HIVEP3: variants seen among roughly 807,000 people sequenced by gnomAD.
The protein encoded by HIVEP3 is transcription factor HIVEP3.
HIVEP3 carries 49 observed loss-of-function variants against 152.8 expected under a neutral mutation model. The ratio of observed to expected loss-of-function variants is 0.32; its 90% CI spans 0.26 to 0.41. The LOEUF (loss-of-function observed/expected upper bound fraction) is 0.41. HIVEP3 is among the 10% of genes least tolerant of loss of function. The probability of loss-of-function intolerance (pLI) is 1.00; values close to 1 mark genes in which losing one functional copy is unlikely to be tolerated. For synonymous variants in HIVEP3, 1,269 were observed against 1,289.0 expected, an observed-to-expected ratio of 0.98 and a Z score of 0.33; for missense variants, 2,790 against 3,103.3, an observed-to-expected ratio of 0.90 and a Z score of 2.40.
chr1:41,991,601 C>T (rs1645361909), intron 1 of HIVEP3, among the ~76,000 whole-genome samples: 1 of 150,216 alleles, frequency 6.7e-6, no homozygotes, highest in Non-Finnish European at 1.5e-5. Flanking sequence ...CCTTCTGAAA[C>T]TATTCCAATC....
At chr1:41,743,447 A>C (rs576874575) in intron 1 of HIVEP3, among the ~76,000 whole-genome samples, 14 of 152,206 alleles carry the variant, frequency 9.2e-5, no homozygotes, top group Non-Finnish European at 1.6e-4. Flanking sequence ...TGAATGAATG[A>C]ATGTTACATG....
intron 1 of HIVEP3, among the ~76,000 whole-genome samples, chr1:41,916,350 C>CA (rs959396312): frequency 1.1e-4 from 16 of 152,042 alleles, no homozygotes; most frequent in Non-Finnish European, 2.4e-4. Context: ...GTGTTGAGGG[C>CA]AAAAAAACAA....
intron 6 of HIVEP3, among the ~76,000 whole-genome samples, chr1:41,519,709 G>A (rs548918472): frequency 4.3e-4 from 66 of 152,316 alleles, no homozygotes; most frequent in African/African-American, 7.9e-4. Flanking sequence ...CGATTGGTGC[G>A]TGGATAGATA....
At chr1:41,774,192 G>A (rs1405983430) in intron 1 of HIVEP3, among the ~76,000 whole-genome samples, 2 of 152,224 alleles carry the variant, frequency 1.3e-5, no homozygotes, top group Admixed American at 6.5e-5. Context: ...AGCGTGTCTC[G>A]GGTTTGGCTG....
At chr1:41,921,095 C>T (rs752704450), upstream of HIVEP3, among the ~76,000 whole-genome samples, 27 of 152,260 alleles carry the variant, frequency 1.8e-4, 1 homozygote, top group South Asian at 1.0e-3. Flanking sequence ...TATTTCCATA[C>T]GGGGGCTTTT....
intron 1 of HIVEP3, among the ~76,000 whole-genome samples, chr1:41,861,174 T>C (rs1643883679): frequency 6.6e-6 from 1 of 152,196 alleles, no homozygotes; most frequent in African/African-American, 2.4e-5. Flanking sequence ...TCCTACACCA[T>C]GCTCCATCTG....
chr1:41,984,608 G>C (rs750157749), intron 1 of HIVEP3, among the ~76,000 whole-genome samples: 1 of 152,192 alleles, frequency 6.6e-6, no homozygotes, highest in Non-Finnish European at 1.5e-5. Context: ...AGAAGGGATC[G>C]AACGTTTAAA....
intron 2 of HIVEP3, among the ~76,000 whole-genome samples, chr1:41,685,442 CTGTAAGT>C (rs1206037617): frequency 6.6e-6 from 1 of 152,256 alleles, no homozygotes; most frequent in Non-Finnish European, 1.5e-5. Context: ...CTCCACTGCA[CTGTAAGT>C]TCCTCAAGGG....
chr1:41,864,963 T>A (rs894227463), intron 1 of HIVEP3, among the ~76,000 whole-genome samples: 2 of 152,178 alleles, frequency 1.3e-5, no homozygotes, highest in South Asian at 4.1e-4. Context: ...CTTGCAGAGA[T>A]TAATGAGAGC....
chr1:42,026,435 T>C (rs1231044937), intron 1 of HIVEP3, among the ~76,000 whole-genome samples: 1 of 152,272 alleles, frequency 6.6e-6, no homozygotes, highest in Non-Finnish European at 1.5e-5. Context: ...TAAGAAAATC[T>C]AAAATTTTTT....
At chr1:41,987,586 C>G (rs960105504) in intron 1 of HIVEP3, among the ~76,000 whole-genome samples, 1 of 152,050 alleles carries the variant, frequency 6.6e-6, no homozygotes, top group Non-Finnish European at 1.5e-5. Flanking sequence ...ACCAATGGAA[C>G]AGAATGGAGA....
intron 2 of HIVEP3, among the ~76,000 whole-genome samples, chr1:41,645,303 C>A (rs546988961): frequency 6.6e-6 from 1 of 152,118 alleles, no homozygotes; most frequent in South Asian, 2.1e-4. Flanking sequence ...GTGATCTGAC[C>A]GCCACACAGG....
intron 1 of HIVEP3, among the ~76,000 whole-genome samples, chr1:41,989,244 T>A (rs1001505231): frequency 2.6e-5 from 4 of 152,214 alleles, no homozygotes; most frequent in Admixed American, 2.6e-4. Context: ...ATGATAATTA[T>A]ATGTGTTAAT....
At chr1:41,715,039 C>T (rs1646570769) in intron 1 of HIVEP3, among the ~76,000 whole-genome samples, 1 of 152,174 alleles carries the variant, frequency 6.6e-6, no homozygotes, top group South Asian at 2.1e-4. Context: ...CACCCTGGCC[C>T]TGAGCCTAAA....
chr1:41,559,661 A>C (rs528380185), intron 5 of HIVEP3, among the ~76,000 whole-genome samples: 8 of 152,224 alleles, frequency 5.3e-5, no homozygotes, highest in Non-Finnish European at 8.8e-5. Flanking sequence ...GTTGCCTCCT[A>C]CTTCCTTCCT....
chr1:41,545,531 C>CACT (rs1558048999), intron 5 of HIVEP3, among the ~76,000 whole-genome samples: 1 of 142,550 alleles, frequency 7.0e-6, no homozygotes, highest in African/African-American at 2.6e-5. Flanking sequence ...CCACCACTAC[C>CACT]ATCACCACCA....
At chr1:41,654,615 T>C (rs1009122472) in intron 2 of HIVEP3, among the ~76,000 whole-genome samples, 2 of 152,254 alleles carry the variant, frequency 1.3e-5, no homozygotes, top group African/African-American at 4.8e-5. Flanking sequence ...TTAACATTGG[T>C]ACATTACTAG....
chr1:41,740,925 G>A (rs536856154), intron 1 of HIVEP3, among the ~76,000 whole-genome samples: 65 of 152,276 alleles, frequency 4.3e-4, no homozygotes, highest in African/African-American at 1.4e-3. Context: ...AGGGGGTGGG[G>A]GCTCAGTTTC....
chr1:41,647,005 A>G (rs79613244), intron 2 of HIVEP3, among the ~76,000 whole-genome samples: 5,944 of 152,250 alleles, frequency 0.039, 188 homozygotes, highest in Middle Eastern at 0.095. Context: ...GGCCAGGTCA[A>G]GTCTTTCTCA....
Sources: allele counts gnomAD v4.1 joint callset (sites outside exome capture counted in the v4.1 genomes callset), GRCh38; gene constraint gnomAD v4.1.1; transcripts MANE v1.5; gene names NCBI Gene and HGNC (gene_info 2026-07-23, HGNC 2026-07-21).